The following SMARCC2 variants were observed in gnomAD, a reference collection of about 807,000 sequenced individuals.
The protein encoded by SMARCC2 is SWI/SNF complex subunit SMARCC2.
Under a neutral mutation model 151.3 loss-of-function variants are expected in SMARCC2, and 15 were observed. The ratio of observed to expected loss-of-function variants is 0.10; its 90% CI spans 0.07 to 0.15. The LOEUF is 0.15. Among genes scored for constraint, SMARCC2 ranks in the 10% least tolerant of loss-of-function variants. The pLI is 1.00. For missense variants in SMARCC2, 1,031 were observed against 1,599.7 expected, an observed-to-expected ratio of 0.64 and a Z score of 6.06; for synonymous variants, 590 against 609.5, an observed-to-expected ratio of 0.97 and a Z score of 0.47.
chr12:56,165,336 G>A lies in SMARCC2; in HGVS notation c.3214C>T (p.Pro1072Ser), dbSNP rs1427387595. 6.7e-7 allele frequency: 1 copy of A among 1,494,766 alleles called. No individual in the cohort carries two copies. The allele number at this position is 1,494,766 out of a possible 1,614,324, so 92.6% of individuals were successfully genotyped here. Reference protein sequence around the residue: ...PQPGAVPPGVPPPGPHGPSPF... With the variant: ...PQPGAVPPGVSPPGPHGPSPF... ...CACTTACCATGGGGTCCAGGGGGGG[G>A]AACCCCTGGTGGGACTGCCCCAGGC... Residue 1072 changes from proline to serine, a missense_variant, in exon 27 of 29, where the codon CCC becomes TCC. Pro to Ser is a moderately conservative substitution (Grantham distance 74). Transcript: ENST00000550164.
rs1873989984 is a variant in SMARCC2, at chr12:56,171,711, C to T, written c.2153G>A (p.Arg718Gln). 6.3e-7 allele frequency: 1 copy of T among 1,575,660 alleles called. No individual in the cohort carries two copies. The highest frequency in any genetic ancestry group is 8.6e-7 in the Non-Finnish European group (1 of 1,160,050). Residue 718 changes from arginine (R) to glutamine (Q), a missense_variant, in exon 21 of 29, where the codon CGA becomes CAA. Coordinates refer to ENST00000550164, the MANE Select transcript of SMARCC2 (RefSeq NM_001330288.2). The surrounding 1 kb of genome is among the most constrained non-coding windows in gnomAD (Gnocchi z 4.2). ...TGACTTTGCAGCAGCAGAGGCGACT[C>T]GGGGATCGACGACAGAGGCCAGGAA... ...VAFLASVVDP[R>Q]VASAAAKSAL...
At chr12:56,170,230 G>T in intron 22 of SMARCC2, 22 bp from the exon 23 acceptor site, 4 of 1,602,490 alleles carry the variant, frequency 2.5e-6, no homozygotes, top group Non-Finnish European at 3.4e-6. Flanking sequence ...AGAAAAGAAA[G>T]AAAACAGGAA....
Position 56,173,028 on chromosome 12 carries a change from C to A in SMARCC2, c.1652G>T (p.Gly551Val), listed in dbSNP as rs1874248082. The stretch of plus-strand genomic sequence containing the variant: ...CTTGGTATCAGCATCAACCTGGCGG[C>A]CCTGGGGGACAGAGCTTGGCGTCAT... ...LVPLQPKTPQ[G>V]RQVDADTKAG... is the part of the protein sequence containing the mutation. The change falls in exon 18 of 29, where the codon GGC becomes GTC. Residue 551 changes from glycine to valine, a missense_variant and splice_region_variant. Around this residue, in one of 12 missense-constraint regions of SMARCC2, gnomAD observed 99 missense variants for 148.3 expected, o/e 0.67. Coordinates refer to ENST00000550164, the MANE Select transcript of SMARCC2 (RefSeq NM_001330288.2). 6 of 1,613,872 alleles carry A rather than the reference C, an allele frequency of 3.7e-6. No individual in the cohort carries two copies. The South Asian group carries it at 6.6e-5, about 18-fold the overall frequency.
intron 16 of SMARCC2, among the ~76,000 whole-genome samples, chr12:56,174,170 T>C (rs1255425393): frequency 6.6e-6 from 1 of 152,182 alleles, no homozygotes; most frequent in Non-Finnish European, 1.5e-5. Context: ...AGTGCAGTGG[T>C]GTGATCACCG....
intron 26 of SMARCC2, among the ~76,000 whole-genome samples, chr12:56,166,474 T>C (rs910657573): frequency 4.6e-5 from 7 of 152,098 alleles, no homozygotes; most frequent in Non-Finnish European, 1.0e-4. Context: ...TTAATGTGAA[T>C]TTGTCAGATA....
chr12:56,182,823 AGAT>A lies in SMARCC2; in HGVS notation c.633-747_633-745del, dbSNP rs550367538. Among the ~76,000 whole-genome samples, 43 of 145,322 alleles carry A rather than the reference AGAT, an allele frequency of 3.0e-4. No homozygotes were observed. The South Asian group carries it at 9.4e-3, about 32-fold the overall frequency. On this transcript the variant is annotated intron_variant, in intron 7 of 28. Coordinates refer to ENST00000550164, the MANE Select transcript of SMARCC2 (RefSeq NM_001330288.2). ...GTTTTTACATAATCATAACCATACTAGATGATATTTTACATGCTTTTTTTTTTT... is the reference window on the plus strand; with the variant it reads ...GTTTTTACATAATCATAACCATACTAGATATTTTACATGCTTTTTTTTTTT...
rs949714016 is a variant in SMARCC2, at chr12:56,170,180, C to T, written c.2376G>A (p.Val792=). 32 of 1,613,888 alleles carry T rather than the reference C, an allele frequency of 2.0e-5. No individual in the cohort carries two copies. Among genetic ancestry groups the T allele is most frequent in the Non-Finnish European group, 2.5e-5 (30 of 1,179,896 alleles). ...TCTTCTCATCTGTGGCCTGGCCTTC[C>T]ACCCGAGCCTCGTCATTCCCGCTCT... ...IEESGNDEAR[V]EGQATDEKKE... The change falls in exon 23 of 29, where the codon GTG becomes GTA. Residue 792 remains valine (V), a synonymous_variant. Coordinates refer to ENST00000550164, the MANE Select transcript of SMARCC2 (RefSeq NM_001330288.2).
intron 26 of SMARCC2, among the ~76,000 whole-genome samples, chr12:56,167,158 C>G (rs772434177): frequency 1.4e-3 from 211 of 151,278 alleles, no homozygotes; most frequent in Non-Finnish European, 2.5e-3. Context: ...TCGAGACCAG[C>G]CTGACCAACA....
At chr12:56,165,249 C>A in intron 27 of SMARCC2, 69 bp downstream of exon 27, 1 of 1,437,316 alleles carries the variant, frequency 7.0e-7, no homozygotes, top group African/African-American at 1.4e-5. Flanking sequence ...CTTGTATCCC[C>A]TTTGAGGAGA....
At chr12:56,169,478 A>G (rs769221855) in intron 25 of SMARCC2, 51 bp downstream of exon 25, 3 of 1,588,220 alleles carry the variant, frequency 1.9e-6, no homozygotes, top group Non-Finnish European at 2.6e-6. Flanking sequence ...GTGAGATGAG[A>G]TTAGAGAAGT....
At chr12:56,188,873 A>ACTGTTTAC (rs1330648656) in intron 1 of SMARCC2, among the ~76,000 whole-genome samples, 1 of 151,936 alleles carries the variant, frequency 6.6e-6, no homozygotes, top group Non-Finnish European at 1.5e-5. Flanking sequence ...TTGCTCTGTG[A>ACTGTTTAC]CTGTTTACCC....
chr12:56,180,713 T>C (rs972515620), intron 11 of SMARCC2, among the ~76,000 whole-genome samples: 1 of 152,218 alleles, frequency 6.6e-6, no homozygotes, highest in African/African-American at 2.4e-5. Context: ...CATGCTCAAA[T>C]ATATTTTACT....
intron 3 of SMARCC2, 185 bp downstream of exon 3, chr12:56,185,970 C>T: frequency 1.7e-6 from 1 of 603,348 alleles, no homozygotes; most frequent in Non-Finnish European, 2.9e-6. Flanking sequence ...GATACTCACA[C>T]ACTCACTCTT....
rs776913471 is a variant in SMARCC2, at chr12:56,183,911, G to A, written c.582C>T (p.Val194=). The A allele has an allele frequency of 3.7e-6, 6 of 1,612,950 alleles. No individual in the cohort carries two copies. Among genetic ancestry groups the A allele is most frequent in the Non-Finnish European group, 8.5e-7 (1 of 1,179,200 alleles). ...GAAGAACCTGCTTATCCCTCTTCATGACTGGTCGTACCCATTCCTCTGGGG... is the reference window on the plus strand; with the variant it reads ...GAAGAACCTGCTTATCCCTCTTCATAACTGGTCGTACCCATTCCTCTGGGG... The part of the protein sequence containing the change: ...NLEEEEWVRP[V]MKRDKQVLLH... Residue 194 remains valine (V), a synonymous_variant, in exon 7 of 29, where the codon GTC becomes GTT. Coordinates refer to ENST00000550164, the MANE Select transcript of SMARCC2 (RefSeq NM_001330288.2).
chr12:56,172,815 C>G (rs1874207147), intron 18 of SMARCC2, 111 bp from the exon 19 acceptor site: 10 of 1,575,656 alleles, frequency 6.3e-6, no homozygotes, highest in Non-Finnish European at 8.7e-6. Flanking sequence ...CAGGGACACC[C>G]CTGGGTGGGA....
At position 56,163,230 on chromosome 12, in the gene SMARCC2, T is replaced by C. The variant is rs760068189; in HGVS notation, c.*459A>G. 3 of 152,098 alleles carry C rather than the reference T, an allele frequency of 2.0e-5. No individual in the cohort carries two copies. Among genetic ancestry groups the C allele is most frequent in the Non-Finnish European group, 4.4e-5 (3 of 68,028 alleles). 9.4% of individuals were successfully genotyped at this position (152,098 alleles called of 1,614,324 possible). On this transcript the variant is annotated 3_prime_UTR_variant, in exon 29 of 29. Coordinates refer to ENST00000550164, the MANE Select transcript of SMARCC2 (RefSeq NM_001330288.2). ...CCCAGAGCTCTCCCTGGAATCTTAA[T>C]TCCCCTTTCCTAAAACTCACTCCCC...
intron 26 of SMARCC2, 132 bp downstream of exon 26, chr12:56,167,928 G>C (rs1378820502): frequency 7.8e-6 from 8 of 1,023,952 alleles, no homozygotes; most frequent in Admixed American, 2.1e-5. Context: ...TTTCCCCACT[G>C]TTGCTTATCT....
intron 26 of SMARCC2, among the ~76,000 whole-genome samples, chr12:56,166,056 G>A (rs1290898): frequency 0.061 from 9,306 of 152,286 alleles, 300 homozygotes; most frequent in African/African-American, 0.082. Flanking sequence ...AAAAGTCACT[G>A]TTCTTAGGAA....
intron 11 of SMARCC2, 64 bp from the exon 12 acceptor site, chr12:56,179,120 G>T: frequency 7.2e-7 from 1 of 1,389,268 alleles, no homozygotes; most frequent in Non-Finnish European, 1.0e-6. Context: ...CAATTTAATA[G>T]TTCCAGACAT....
Sources: allele counts gnomAD v4.1 joint callset (sites outside exome capture counted in the v4.1 genomes callset), GRCh38; gene constraint gnomAD v4.1.1; regional missense constraint gnomAD v4.1.1; non-coding constraint Gnocchi (gnomAD v3.1); transcripts MANE v1.5; gene names NCBI Gene and HGNC (gene_info 2026-07-23, HGNC 2026-07-21).